The following MAP2K5 variants were observed in gnomAD, a reference collection of about 807,000 sequenced individuals.
The protein encoded by MAP2K5 is mitogen-activated protein kinase kinase 5.
MAP2K5 carries 49 observed loss-of-function variants against 83.1 expected under a neutral mutation model. That is an observed-to-expected ratio of 0.59 (90% CI 0.47 to 0.75). The LOEUF (loss-of-function observed/expected upper bound fraction) is 0.75. MAP2K5 is among the 30% of genes least tolerant of loss of function. The pLI is 0.00. For synonymous variants in MAP2K5, 202 were observed against 191.8 expected, an observed-to-expected ratio of 1.05 and a Z score of -0.44; for missense variants, 457 against 557.5, an observed-to-expected ratio of 0.82 and a Z score of 1.82.
chr15:67,599,644 A>G (rs1438895060), intron 7 of MAP2K5, among the ~76,000 whole-genome samples: 1 of 148,488 alleles, frequency 6.7e-6, no homozygotes. Context: ...AACTCCATCC[A>G]TTTTCTGCCC....
In MAP2K5 at chr15:67,782,222, C is replaced by G. The variant is rs1489851910; in HGVS notation, c.1242+9470C>G. On this transcript the variant is annotated intron_variant, in intron 21 of 21. Coordinates refer to ENST00000178640, the MANE Select transcript of MAP2K5 (RefSeq NM_145160.3). This position sits in a 1 kb window ranked among gnomAD's most constrained non-coding sequence, Gnocchi z 4.9. ...TGCGGTTTCAATAATTTTAAGAGCC[C>G]CCAAAACCTGTTGAGGATTAGAAGT... is the stretch of plus-strand genomic sequence containing the variant. 6.6e-6 allele frequency among the ~76,000 whole-genome samples: 1 copy of G among 152,142 alleles called. No individual in the cohort carries two copies. Among genetic ancestry groups the G allele is most frequent in the Non-Finnish European group, 1.5e-5 (1 of 68,034 alleles).
intron 7 of MAP2K5, among the ~76,000 whole-genome samples, chr15:67,596,868 T>A (rs765630165): frequency 1.4e-4 from 21 of 152,282 alleles, no homozygotes; most frequent in South Asian, 1.0e-3. Flanking sequence ...ACCTGGACTG[T>A]ATTTAAAAAC....
In MAP2K5 at chr15:67,790,730, CAA is replaced by C. The variant is rs1046630496; in HGVS notation, c.1243-15904_1243-15903del. 7.1e-6 allele frequency among the ~76,000 whole-genome samples: 1 copy of C among 139,926 alleles called. No homozygotes were observed. 91.8% of individuals were successfully genotyped at this position (139,926 alleles called of 152,430 possible). On this transcript the variant is annotated intron_variant, in intron 21 of 21. Transcript: ENST00000178640. The surrounding 1 kb of genome is among the most constrained non-coding windows in gnomAD (Gnocchi z 4.6). ...AGCCAGTCACATAAAAACAAACAAA[CAA>C]AAAAAAAAAAACCTGTGTCCTAATG...
chr15:67,616,507 A>T (rs2086059643), intron 8 of MAP2K5, among the ~76,000 whole-genome samples: 1 of 152,212 alleles, frequency 6.6e-6, no homozygotes, highest in Admixed American at 6.5e-5. Context: ...GGGCATTCAG[A>T]GAATAGAGAA....
At chr15:67,669,593 C>T (rs2087477168) in intron 13 of MAP2K5, among the ~76,000 whole-genome samples, 1 of 152,044 alleles carries the variant, frequency 6.6e-6, no homozygotes, top group African/African-American at 2.4e-5. Flanking sequence ...AGGTAAGTTT[C>T]AGGGGCCCAG....
chr15:67,596,908 A>G (rs1007630363), intron 7 of MAP2K5, among the ~76,000 whole-genome samples: 4 of 152,274 alleles, frequency 2.6e-5, no homozygotes, highest in East Asian at 3.9e-4. Flanking sequence ...ATGGTGGCTC[A>G]CGCCTGTAAT....
intron 16 of MAP2K5, among the ~76,000 whole-genome samples, chr15:67,705,626 C>T (rs2088531959): frequency 6.6e-6 from 1 of 152,050 alleles, no homozygotes; most frequent in Non-Finnish European, 1.5e-5. Context: ...ATCCCAGCTA[C>T]TCGGGAGGCT....
Position 67,778,614 on chromosome 15 carries a change from G to A in MAP2K5, c.1242+5862G>A, listed in dbSNP as rs1413727831. Among the ~76,000 whole-genome samples, 1 of 152,166 alleles carries A rather than the reference G, an allele frequency of 6.6e-6. No homozygotes were observed. The highest frequency in any genetic ancestry group is 2.4e-5 in the African/African-American group (1 of 41,432). On this transcript the variant is annotated intron_variant, in intron 21 of 21. Transcript: ENST00000178640. The surrounding 1 kb of genome is among the most constrained non-coding windows in gnomAD (Gnocchi z 5.0). Reference sequence around the variant, plus strand: ...CCAGCAAGTCTTAGAGAAGTCACGAGGAAAGATGGAAAAGGATCTTACCTC... The same window carrying A: ...CCAGCAAGTCTTAGAGAAGTCACGAAGAAAGATGGAAAAGGATCTTACCTC...
intron 17 of MAP2K5, among the ~76,000 whole-genome samples, chr15:67,742,437 G>A (rs941349982): frequency 6.6e-6 from 1 of 152,172 alleles, no homozygotes; most frequent in Admixed American, 6.5e-5. Flanking sequence ...TTAAAATGTT[G>A]CTGTAGCAGA....
chr15:67,805,702 C>T lies in MAP2K5; in HGVS notation c.1243-944C>T, dbSNP rs1392775612. ...CCCCCATTCTCTGTCCTCGCTATGGCTCCCCGAGTCTCACCATGCAAGCTG... is the reference window on the plus strand; with the variant it reads ...CCCCCATTCTCTGTCCTCGCTATGGTTCCCCGAGTCTCACCATGCAAGCTG... On this transcript the variant is annotated intron_variant, in intron 21 of 21. Transcript: ENST00000178640. 3.9e-5 allele frequency among the ~76,000 whole-genome samples: 6 copies of T among 152,338 alleles called. No homozygotes were observed. The East Asian group carries it at 5.8e-4, about 15-fold the overall frequency.
intron 1 of MAP2K5, chr15:67,549,151 G>A (rs1294829306): frequency 2.6e-6 from 4 of 1,535,634 alleles, no homozygotes; most frequent in East Asian, 2.4e-5. Flanking sequence ...AGAGAAATGA[G>A]GTTTGCAGGC....
chr15:67,680,713 A>G (rs541116478), intron 13 of MAP2K5, among the ~76,000 whole-genome samples: 12 of 152,324 alleles, frequency 7.9e-5, no homozygotes, highest in African/African-American at 2.9e-4. Context: ...ACCACCTATT[A>G]TCTACTTGGG....
Position 67,580,790 on chromosome 15 carries a change from C to G in MAP2K5, c.289C>G (p.Gln97Glu). Residue 97 changes from glutamine to glutamate, a missense_variant, in exon 4 of 22, where the codon CAG becomes GAG. This residue lies in a region of MAP2K5 where 234 missense variants were observed against 243.6 expected (regional missense o/e 0.96). Transcript: ENST00000178640. ...AGTAATGGAACAGCAAGTAAATGGA[C>G]AGTTAATAGAGCCTCTGCAGATATT... ...STVMEQQVNG[Q>E]LIEPLQIFPR... 4 of 1,609,070 alleles carry G rather than the reference C, an allele frequency of 2.5e-6. No homozygotes were observed. The highest frequency in any genetic ancestry group is 1.3e-5 in the African/African-American group (1 of 74,916).
chr15:67,759,711 G>A (rs1045447479), intron 19 of MAP2K5, among the ~76,000 whole-genome samples: 2 of 152,272 alleles, frequency 1.3e-5, no homozygotes, highest in Non-Finnish European at 2.9e-5. Context: ...CCTATTCCCA[G>A]CATCCCAAGG....
At chr15:67,776,198 C>T (rs760832479) in intron 21 of MAP2K5, among the ~76,000 whole-genome samples, 3 of 147,982 alleles carry the variant, frequency 2.0e-5, no homozygotes, top group East Asian at 2.0e-4. Flanking sequence ...ACAGGTAGAA[C>T]CCCACCCCCA....
intron 13 of MAP2K5, 69 bp from the exon 14 acceptor site, chr15:67,692,410 G>A: frequency 9.4e-7 from 1 of 1,059,646 alleles, no homozygotes; most frequent in East Asian, 2.4e-5. Flanking sequence ...GTGTGCATGT[G>A]TGCTTTTAAA....
At chr15:67,792,889 G>A (rs1566966158) in intron 21 of MAP2K5, among the ~76,000 whole-genome samples, 1 of 152,220 alleles carries the variant, frequency 6.6e-6, no homozygotes, top group African/African-American at 2.4e-5. Flanking sequence ...ATCACATGGT[G>A]CTTCATGGCA....
intron 11 of MAP2K5, among the ~76,000 whole-genome samples, chr15:67,655,718 G>A (rs1479129395): frequency 6.7e-6 from 1 of 149,218 alleles, no homozygotes; most frequent in Non-Finnish European, 1.5e-5. Context: ...CCTATATGAA[G>A]TATACTGAAC....
At chr15:67,787,302 G>A in intron 21 of MAP2K5, among the ~76,000 whole-genome samples, 1 of 152,212 alleles carries the variant, frequency 6.6e-6, no homozygotes, top group East Asian at 1.9e-4. Flanking sequence ...GTAGCTGTTT[G>A]GCAGCATGTC....
Sources: allele counts gnomAD v4.1 joint callset (sites outside exome capture counted in the v4.1 genomes callset), GRCh38; gene constraint gnomAD v4.1.1; regional missense constraint gnomAD v4.1.1; non-coding constraint Gnocchi (gnomAD v3.1); transcripts MANE v1.5; gene names NCBI Gene and HGNC (gene_info 2026-07-23, HGNC 2026-07-21).